FRMPD1: variants seen among roughly 807,000 people sequenced by gnomAD.
FRMPD1 encodes the protein FERM and PDZ domain containing 1.
Under a neutral mutation model 117.8 loss-of-function variants are expected in FRMPD1, and 76 were observed. The ratio of observed to expected loss-of-function variants is 0.65; its 90% CI spans 0.54 to 0.78. The LOEUF (loss-of-function observed/expected upper bound fraction) is 0.78. Ranked by LOEUF, FRMPD1 falls within the 30% of genes least tolerant of loss-of-function variation. FRMPD1 has a pLI of 0.00. For missense variants in FRMPD1, 1,786 were observed against 1,964.5 expected (o/e 0.91, Z 1.72); for synonymous variants, 783 against 770.4 (o/e 1.02, Z -0.27).
intron 1 of FRMPD1, among the ~76,000 whole-genome samples, chr9:37,686,317 G>A (rs576256043): frequency 3.9e-5 from 6 of 152,314 alleles, no homozygotes; most frequent in East Asian, 1.9e-4. Flanking sequence ...AGCTGCAGAC[G>A]AGTGGAATTC....
At chr9:37,737,041 C>G in intron 13 of FRMPD1, 55 bp from the exon 14 acceptor site, 2 of 1,448,590 alleles carry the variant, frequency 1.4e-6, no homozygotes, top group Non-Finnish European at 1.9e-6. Context: ...TGTTGTCAGT[C>G]TTCAGACTGT....
Position 37,732,230 on chromosome 9 carries a change from CTTTCACCCG to C in FRMPD1, c.859-73_859-65del, listed in dbSNP as rs879086818. 45 of 1,525,584 alleles carry C rather than the reference CTTTCACCCG, an allele frequency of 2.9e-5. No individual in the cohort carries two copies. The South Asian group carries it at 4.3e-4, about 14-fold the overall frequency. The allele number at this position is 1,525,584 out of a possible 1,614,324, so 94.5% of individuals were successfully genotyped here. A position where few individuals can be genotyped will look rare whatever the true frequency, so the allele number is the denominator to read the frequency against. Reference sequence around the variant, plus strand: ...AAAGCGGAGCTCCTGGTCCTGCTGCCTTTCACCCGAGAGAACGAGGGGACACAGTATGTC... The same window carrying C: ...AAAGCGGAGCTCCTGGTCCTGCTGCCAGAGAACGAGGGGACACAGTATGTC... On this transcript the variant is annotated intron_variant, in intron 9 of 15. Transcript: ENST00000377765.
chr9:37,683,893 G>A (rs554241286), intron 1 of FRMPD1, among the ~76,000 whole-genome samples: 2 of 148,508 alleles, frequency 1.3e-5, no homozygotes, highest in Non-Finnish European at 3.0e-5. Flanking sequence ...AAAGGCTTTG[G>A]GGGGAACAAC....
intron 6 of FRMPD1, among the ~76,000 whole-genome samples, chr9:37,721,870 A>G (rs1022238919): frequency 4.6e-5 from 7 of 152,254 alleles, no homozygotes; most frequent in African/African-American, 1.7e-4. Flanking sequence ...CATATTGGGT[A>G]GAAAATAAAC....
chr9:37,612,545 A>G, the FRMPD1 span, among the ~76,000 whole-genome samples: 8 of 112,282 alleles, frequency 7.1e-5, no homozygotes, highest in South Asian at 5.8e-4. Context: ...TTTGAGACGG[A>G]GTCTTGCTCT....
intron 4 of FRMPD1, among the ~76,000 whole-genome samples, chr9:37,709,268 T>C (rs1316653946): frequency 6.7e-6 from 1 of 148,714 alleles, no homozygotes; most frequent in Non-Finnish European, 1.5e-5. Flanking sequence ...GAAAGCTAAC[T>C]TGAAGAGATA....
At chr9:37,663,608 A>G (rs961379915) in intron 1 of FRMPD1, among the ~76,000 whole-genome samples, 1 of 152,118 alleles carries the variant, frequency 6.6e-6, no homozygotes, top group East Asian at 1.9e-4. Flanking sequence ...TTTCAATTCT[A>G]GTGTTCTTCT....
At chr9:37,719,211 C>A in intron 6 of FRMPD1, 35 bp downstream of exon 6, 1 of 1,304,790 alleles carries the variant, frequency 7.7e-7, no homozygotes, top group Non-Finnish European at 1.1e-6. Flanking sequence ...AATTATGAAG[C>A]TGGCGAGCTG....
the FRMPD1 span, among the ~76,000 whole-genome samples, chr9:37,610,708 C>T: frequency 6.6e-6 from 1 of 151,890 alleles, no homozygotes; most frequent in African/African-American, 2.4e-5. Flanking sequence ...GATTCTCCTG[C>T]CACAGCCTCC....
At chr9:37,685,376 G>A (rs1588925867) in intron 1 of FRMPD1, among the ~76,000 whole-genome samples, 1 of 152,140 alleles carries the variant, frequency 6.6e-6, no homozygotes, top group African/African-American at 2.4e-5. Context: ...GGGCGCAGTG[G>A]CTCACGCCTG....
At chr9:37,659,385 C>T (rs1820930564) in intron 1 of FRMPD1, among the ~76,000 whole-genome samples, 1 of 152,200 alleles carries the variant, frequency 6.6e-6, no homozygotes, top group African/African-American at 2.4e-5. Context: ...TCCTGTTGTA[C>T]AGATGTGGGT....
At chr9:37,613,800 G>A in the FRMPD1 span, among the ~76,000 whole-genome samples, 11 of 152,260 alleles carry the variant, frequency 7.2e-5, no homozygotes, top group South Asian at 2.3e-3. Flanking sequence ...TGTACTATGT[G>A]CGGCTTCATG....
At chr9:37,634,470 T>A in the FRMPD1 span, among the ~76,000 whole-genome samples, 1 of 152,214 alleles carries the variant, frequency 6.6e-6, no homozygotes, top group African/African-American at 2.4e-5. Flanking sequence ...AACATTTGGA[T>A]TTCTGCTTAA....
intron 2 of FRMPD1, among the ~76,000 whole-genome samples, chr9:37,704,292 G>T (rs1444273463): frequency 6.6e-6 from 1 of 152,114 alleles, no homozygotes; most frequent in African/African-American, 2.4e-5. Context: ...TAATATGAAA[G>T]AATGCAAAAT....
the FRMPD1 span, among the ~76,000 whole-genome samples, chr9:37,640,944 G>C: frequency 6.6e-6 from 1 of 152,174 alleles, no homozygotes; most frequent in South Asian, 2.1e-4. Context: ...GCAATGGAGC[G>C]CAGTAAAATC....
intron 9 of FRMPD1, 79 bp from the exon 10 acceptor site, chr9:37,732,225 G>T: frequency 6.7e-7 from 1 of 1,486,630 alleles, no homozygotes; most frequent in South Asian, 1.2e-5. Context: ...TCCTGGTCCT[G>T]CTGCCTTTCA....
At chr9:37,701,441 T>C (rs1425596209) in intron 2 of FRMPD1, among the ~76,000 whole-genome samples, 1 of 151,744 alleles carries the variant, frequency 6.6e-6, no homozygotes, top group African/African-American at 2.4e-5. Context: ...GTTGGGCAGG[T>C]AGACAGCATG....
chr9:37,669,602 G>A (rs1464468839), intron 1 of FRMPD1, among the ~76,000 whole-genome samples: 1 of 152,120 alleles, frequency 6.6e-6, no homozygotes, highest in Non-Finnish European at 1.5e-5. Context: ...CTCTGTTGCT[G>A]CTGCTAGCTT....
At chr9:37,703,956 G>A (rs567907977) in intron 2 of FRMPD1, among the ~76,000 whole-genome samples, 9 of 152,302 alleles carry the variant, frequency 5.9e-5, no homozygotes, top group Non-Finnish European at 1.2e-4. Context: ...AGAAAATGCT[G>A]CTATAAATAT....
Sources: allele counts gnomAD v4.1 joint callset (sites outside exome capture counted in the v4.1 genomes callset), GRCh38; gene constraint gnomAD v4.1.1; transcripts MANE v1.5; gene names NCBI Gene and HGNC (gene_info 2026-07-23, HGNC 2026-07-21).